The following MTOR variants were observed in gnomAD, a reference collection of about 807,000 sequenced individuals.
MTOR encodes mechanistic target of rapamycin kinase.
In MTOR, 70 loss-of-function variants were observed where a neutral mutation model predicts 319.8. The observed-to-expected ratio is 0.22, with a 90% CI of 0.18 to 0.27. The LOEUF is 0.27. MTOR is among the 10% of genes least tolerant of loss of function. The pLI, the probability that MTOR is intolerant of heterozygous loss-of-function variation, is 1.00. For synonymous variants in MTOR, 1,183 were observed against 1,211.4 expected, an observed-to-expected ratio of 0.98 and a Z score of 0.49; for missense variants, 1,890 against 3,274.4, an observed-to-expected ratio of 0.58 and a Z score of 10.32.
At chr1:11,131,689 G>C (rs1191488960) in intron 38 of MTOR, 1 of 152,214 alleles carries the variant, frequency 6.6e-6, no homozygotes. Flanking sequence ...GGTTCTGAGC[G>C]GCAATGACTC....
chr1:11,236,388 C>G (rs532377476), intron 13 of MTOR, among the ~76,000 whole-genome samples: 62 of 152,138 alleles, frequency 4.1e-4, no homozygotes, highest in African/African-American at 1.4e-3. Context: ...ATCCGCCTGC[C>G]TTGGCCTCCC....
Position 11,189,510 on chromosome 1 carries a change from T to C in MTOR, c.4253+9748A>G, listed in dbSNP as rs191062280. The C allele has an allele frequency of 4.2e-4, 632 of 1,509,020 alleles. 3 individuals are homozygous for C. The African/African-American group carries it at 6.9e-3, about 17-fold the overall frequency. The allele number at this position is 1,509,020 out of a possible 1,614,324, so 93.5% of individuals were successfully genotyped here. Reference sequence around the variant, plus strand: ...AAGGTTCAGTCAGCCTGCTGCAGCTTTGCAGACCTCAGCTGGGCATCTCCA... The same window carrying C: ...AAGGTTCAGTCAGCCTGCTGCAGCTCTGCAGACCTCAGCTGGGCATCTCCA... On this transcript the variant is annotated intron_variant, in intron 28 of 57. Coordinates refer to ENST00000361445, the MANE Select transcript of MTOR (RefSeq NM_004958.4).
intron 11 of MTOR, among the ~76,000 whole-genome samples, chr1:11,239,044 G>A (rs886500654): frequency 8.6e-5 from 13 of 152,042 alleles, no homozygotes; most frequent in African/African-American, 3.1e-4. Context: ...AAAGTGCTGG[G>A]ATTATAGGCG....
At chr1:11,122,214 T>C (rs1642568168) in intron 47 of MTOR, 88 bp from the exon 48 acceptor site, 8 of 1,508,518 alleles carry the variant, frequency 5.3e-6, no homozygotes, top group African/African-American at 1.4e-5. Context: ...GTTTTTTTTT[T>C]CTTTTTTGAG....
rs1259886298 is a variant in MTOR at position 11,133,125 on chromosome 1, C to A, written c.5319G>T (p.Leu1773=). 4 of 1,614,050 alleles carry A rather than the reference C, an allele frequency of 2.5e-6. No individual in the cohort carries two copies. In the Admixed American group the frequency reaches 5.0e-5, roughly 20 times the overall value. The change falls in exon 38 of 58, where the codon CTG becomes CTT. Residue 1773 remains leucine, a synonymous_variant. Coordinates refer to ENST00000361445, the MANE Select transcript of MTOR (RefSeq NM_004958.4). The surrounding 1 kb of genome is among the most constrained non-coding windows in gnomAD (Gnocchi z 4.0). ...GINESTIPKV[L]QYYSAATEHD... ...GCTCTGTGGCGGCGCTGTAGTACTGCAGCACTTTGGGGATTGTGCTCTCAT... is the reference window on the plus strand; with the variant it reads ...GCTCTGTGGCGGCGCTGTAGTACTGAAGCACTTTGGGGATTGTGCTCTCAT...
chr1:11,240,183 G>T lies in MTOR; in HGVS notation c.1786+120C>A, dbSNP rs1029412486. The T allele has an allele frequency of 3.0e-6, 4 of 1,348,614 alleles. No individual in the cohort carries two copies. In the South Asian group the frequency reaches 6.7e-5, roughly 23 times the overall value. 83.5% of individuals were successfully genotyped at this position (1,348,614 alleles called of 1,614,324 possible). A position where few individuals can be genotyped will look rare whatever the true frequency, so the allele number is the denominator to read the frequency against. ...AGTCTAGGAAGGATGAGCTGCTACA[G>T]AATCAGCTACCCTGTCTTTAGCACC... On this transcript the variant is annotated intron_variant, in intron 11 of 57. Coordinates refer to ENST00000361445, the MANE Select transcript of MTOR (RefSeq NM_004958.4).
At chr1:11,205,377 A>G (rs957569388) in intron 25 of MTOR, among the ~76,000 whole-genome samples, 2 of 152,218 alleles carry the variant, frequency 1.3e-5, no homozygotes, top group African/African-American at 4.8e-5. Context: ...AATCCCAGTT[A>G]TATAACATAA....
At chr1:11,205,553 TAA>T (rs1646110242) in intron 25 of MTOR, among the ~76,000 whole-genome samples, 1 of 152,208 alleles carries the variant, frequency 6.6e-6, no homozygotes, top group South Asian at 2.1e-4. Flanking sequence ...CCTAGTTCTC[TAA>T]AGTTAGAAAC....
chr1:11,150,121 T>C lies in MTOR; in HGVS notation c.4570+5A>G, dbSNP rs370139854. 5.1e-5 allele frequency: 83 copies of C among 1,613,334 alleles called. No individual in the cohort carries two copies. Among genetic ancestry groups the C allele is most frequent in the Non-Finnish European group, 7.0e-5 (83 of 1,179,768 alleles). ...TTCACAGGGTGCCTGTGAGGGAAGC[T>C]TTACCTAAACCCCATGCAGCTGCAG... On this transcript the variant is annotated splice_donor_5th_base_variant and intron_variant, in intron 31 of 57. Transcript: ENST00000361445.
intron 29 of MTOR, among the ~76,000 whole-genome samples, chr1:11,166,171 A>G (rs1644637962): frequency 6.6e-6 from 1 of 152,242 alleles, no homozygotes; most frequent in East Asian, 1.9e-4. Context: ...AATACCATTC[A>G]GGACATAGGC....
intron 10 of MTOR, among the ~76,000 whole-genome samples, chr1:11,240,751 C>T (rs1002030411): frequency 1.3e-5 from 2 of 152,088 alleles, no homozygotes; most frequent in Non-Finnish European, 2.9e-5. Context: ...TGGTTCTTGC[C>T]ACAGAAGACT....
intron 36 of MTOR, among the ~76,000 whole-genome samples, chr1:11,138,439 ATTCACAGCC>A (rs1351338484): frequency 6.6e-6 from 1 of 152,248 alleles, no homozygotes. Flanking sequence ...TCTGGGTGGT[ATTCACAGCC>A]ACTCTGATTC....
intron 28 of MTOR, among the ~76,000 whole-genome samples, chr1:11,179,786 C>T (rs1645089767): frequency 6.6e-6 from 1 of 152,206 alleles, no homozygotes; most frequent in South Asian, 2.1e-4. Flanking sequence ...AGCAAAGATA[C>T]AAACTGCTTC....
At chr1:11,152,197 C>T (rs1482585731) in intron 30 of MTOR, among the ~76,000 whole-genome samples, 1 of 152,116 alleles carries the variant, frequency 6.6e-6, no homozygotes, top group African/African-American at 2.4e-5. Context: ...AGGGGCAAAA[C>T]CAAATAAATA....
Position 11,150,860 on chromosome 1 carries a change from G to A in MTOR, c.4470-634C>T, listed in dbSNP as rs115044976. Among the ~76,000 whole-genome samples, 327 of 152,180 alleles carry A rather than the reference G, an allele frequency of 2.1e-3. 4 individuals carry two copies. The highest frequency in any genetic ancestry group is 7.6e-3 in the African/African-American group (316 of 41,522). The stretch of plus-strand genomic sequence containing the variant: ...AGAGAACATGGAAGCCCTAGAATAG[G>A]GTCTTGCTATTGACTGTTGAAACTC... On this transcript the variant is annotated intron_variant, in intron 30 of 57. Transcript: ENST00000361445.
rs1428598262 is a variant in MTOR at position 11,115,491 on chromosome 1, C to G, written c.7017-23G>C. 4.4e-6 allele frequency: 7 copies of G among 1,607,630 alleles called. No homozygotes were observed. Among genetic ancestry groups the G allele is most frequent in the Non-Finnish European group, 6.0e-6 (7 of 1,174,274 alleles). On this transcript the variant is annotated intron_variant, in intron 50 of 57. Coordinates refer to ENST00000361445, the MANE Select transcript of MTOR (RefSeq NM_004958.4). This position sits in a 1 kb window ranked among gnomAD's most constrained non-coding sequence, Gnocchi z 4.5. ...TGTCTTTGAGAAACAGAAGACAGAT[C>G]AGGGAGGGATCAACAGAGATAACGG... is the stretch of plus-strand genomic sequence containing the variant.
At position 11,212,271 on chromosome 1, in the gene MTOR, T is replaced by G; in HGVS notation, c.3561+41A>C. The G allele has an allele frequency of 6.4e-7, 1 of 1,568,942 alleles. No homozygotes were observed. Among genetic ancestry groups the G allele is most frequent in the Non-Finnish European group, 8.6e-7 (1 of 1,157,010 alleles). ...TCACAGACAAAGTCTTCTTTCCAAA[T>G]AAGGCAGAAGAGCACCTGTCTGTCC... is the stretch of plus-strand genomic sequence containing the variant. On this transcript the variant is annotated intron_variant, in intron 23 of 57. Coordinates refer to ENST00000361445, the MANE Select transcript of MTOR (RefSeq NM_004958.4). This position sits in a 1 kb window ranked among gnomAD's most constrained non-coding sequence, Gnocchi z 4.1.
intron 38 of MTOR, chr1:11,131,794 T>C (rs1643174556): frequency 1.3e-5 from 2 of 152,238 alleles, no homozygotes; most frequent in Admixed American, 6.5e-5. Context: ...ACGTGACCCA[T>C]TAATAGCTGA....
At chr1:11,186,829 A>T (rs1004381334) in intron 28 of MTOR, among the ~76,000 whole-genome samples, 1 of 152,146 alleles carries the variant, frequency 6.6e-6, no homozygotes, top group Non-Finnish European at 1.5e-5. Flanking sequence ...AATATCCTTA[A>T]TTAGCTATTT....
Sources: gnomAD v4.1 joint callset for allele counts (sites outside exome capture counted in the v4.1 genomes callset) on GRCh38, gnomAD v4.1.1 for gene constraint, Gnocchi (gnomAD v3.1) non-coding constraint, MANE v1.5 for transcripts, NCBI Gene and HGNC (gene_info 2026-07-23, HGNC 2026-07-21) for gene names.